The following SPINT2 variants were observed in gnomAD, a reference collection of about 807,000 sequenced individuals.
SPINT2 encodes serine peptidase inhibitor, Kunitz type 2.
SPINT2 carries 18 observed loss-of-function variants against 30.1 expected under a neutral mutation model. The ratio of observed to expected loss-of-function variants is 0.60; its 90% CI spans 0.41 to 0.89. The LOEUF (loss-of-function observed/expected upper bound fraction) is 0.89. Ranked by LOEUF, SPINT2 falls within the 40% of genes least tolerant of loss-of-function variation. SPINT2 has a pLI of 0.00. For synonymous variants in SPINT2, 139 were observed against 137.9 expected, an observed-to-expected ratio of 1.01 and a Z score of -0.05; for missense variants, 276 against 334.3, an observed-to-expected ratio of 0.83 and a Z score of 1.36.
At chr19:38,268,887 A>G (rs951214801) in intron 1 of SPINT2, among the ~76,000 whole-genome samples, 1 of 151,696 alleles carries the variant, frequency 6.6e-6, no homozygotes, top group Non-Finnish European at 1.5e-5. Context: ...AAATCCTGGT[A>G]TTTGGAGGGT....
At chr19:38,265,462 A>T (rs1316333169) in intron 1 of SPINT2, 1 of 153,128 alleles carries the variant, frequency 6.5e-6, no homozygotes, top group Non-Finnish European at 1.5e-5. Context: ...TGGAGATTGG[A>T]CAAGAGCCTC....
chr19:38,289,563 T>G (rs1968689197), intron 4 of SPINT2: 3 of 230,164 alleles, frequency 1.3e-5, no homozygotes, highest in Non-Finnish European at 2.6e-5. Flanking sequence ...TAGTTGGGTA[T>G]TGAGAGACAC....
chr19:38,281,231 T>G (rs1342351464), intron 1 of SPINT2, among the ~76,000 whole-genome samples: 1 of 152,116 alleles, frequency 6.6e-6, no homozygotes, highest in Non-Finnish European at 1.5e-5. Flanking sequence ...CAGCTGGTTT[T>G]GGTTGATGTG....
chr19:38,269,864 C>T (rs1366899024), intron 1 of SPINT2, among the ~76,000 whole-genome samples: 4 of 152,270 alleles, frequency 2.6e-5, no homozygotes, highest in Non-Finnish European at 5.9e-5. Context: ...CCGCCTCGGC[C>T]TCCCAAAGTG....
At chr19:38,291,550 T>G in intron 6 of SPINT2, 3 of 394,064 alleles carry the variant, frequency 7.6e-6, no homozygotes, top group South Asian at 3.3e-5. Context: ...GCCCTGAGAG[T>G]TGGGTTTTTA....
chr19:38,283,852 T>G (rs1968610888), intron 2 of SPINT2, 55 bp downstream of exon 2: 2 of 1,216,110 alleles, frequency 1.6e-6, no homozygotes, highest in Non-Finnish European at 1.1e-6. Context: ...TTTTTTTTTT[T>G]TTTTTTTGAG....
Position 38,287,939 on chromosome 19 carries a change from G to A in SPINT2, c.337+4G>A. ...GCGGATTCCTCTGTCCCAAGTGGTA[G>A]GTTCTTAAAGAGACCCGCGATGGAG... On this transcript the variant is annotated splice_donor_region_variant and intron_variant, in intron 3 of 6. Transcript: ENST00000301244. 6.2e-7 allele frequency: 1 copy of A among 1,614,180 alleles called. No homozygotes were observed. The highest frequency in any genetic ancestry group is 8.5e-7 in the Non-Finnish European group (1 of 1,180,012).
At position 38,290,155 on chromosome 19, in the gene SPINT2, G is replaced by C. The variant is rs150103321; in HGVS notation, c.428G>C (p.Arg143Pro). ...CTANAVTGPC[R>P]ASFPRWYFDV... ...GCCAACGCAGTCACTGGGCCTTGCC[G>C]TGCATCCTTCCCACGCTGGTACTTT... The change falls in exon 5 of 7, where the codon CGT (arginine) becomes CCT (proline). Residue 143 changes from arginine to proline, a missense_variant. Physicochemically the swap from Arg to Pro is moderately radical, Grantham distance 103. Coordinates refer to ENST00000301244, the MANE Select transcript of SPINT2 (RefSeq NM_021102.4). The surrounding 1 kb of genome is among the most constrained non-coding windows in gnomAD (Gnocchi z 4.3). 6.8e-6 allele frequency: 11 copies of C among 1,612,618 alleles called. No homozygotes were observed. Among genetic ancestry groups the C allele is most frequent in the Non-Finnish European group, 9.3e-6 (11 of 1,180,026 alleles).
intron 1 of SPINT2, 86 bp downstream of exon 1, chr19:38,265,084 G>C (rs916164507): frequency 1.6e-5 from 18 of 1,127,466 alleles, no homozygotes; most frequent in South Asian, 6.1e-5. Context: ...GAGAACTGGC[G>C]GGGGAGGAAA....
Position 38,290,645 on chromosome 19 carries a change from C to G in SPINT2, c.592+70C>G, listed in dbSNP as rs766140056. ...CCTTCCTTGACTGAGCTCAGCCCTG[C>G]CCAGCTGTGGTTTACATTATCCTTC... is the stretch of plus-strand genomic sequence containing the variant. On this transcript the variant is annotated intron_variant, in intron 6 of 6. Transcript: ENST00000301244. This position sits in a 1 kb window ranked among gnomAD's most constrained non-coding sequence, Gnocchi z 4.3. The G allele has an allele frequency of 1.3e-6, 2 of 1,566,160 alleles. No homozygotes were observed. Among genetic ancestry groups the G allele is most frequent in the South Asian group, 2.3e-5 (2 of 87,304 alleles).
chr19:38,268,936 A>G (rs982596566), intron 1 of SPINT2, among the ~76,000 whole-genome samples: 19 of 152,116 alleles, frequency 1.2e-4, no homozygotes, highest in East Asian at 1.9e-4. Context: ...AGGCCAGATC[A>G]TATATTTCCT....
At chr19:38,266,377 C>CAAA (rs112054111) in intron 1 of SPINT2, among the ~76,000 whole-genome samples, 1 of 136,132 alleles carries the variant, frequency 7.3e-6, no homozygotes. Context: ...ACTCCCATCT[C>CAAA]AAAAAAAAAA....
At chr19:38,272,309 T>C (rs1201946417) in intron 1 of SPINT2, among the ~76,000 whole-genome samples, 1 of 152,182 alleles carries the variant, frequency 6.6e-6, no homozygotes, top group East Asian at 1.9e-4. Context: ...ACTATAATAG[T>C]TTGTGACCTT....
chr19:38,266,377 CAAAA>C (rs112054111), intron 1 of SPINT2, among the ~76,000 whole-genome samples: 2 of 136,134 alleles, frequency 1.5e-5, no homozygotes, highest in African/African-American at 5.4e-5. Context: ...ACTCCCATCT[CAAAA>C]AAAAAAAAAG....
chr19:38,284,008 A>AT (rs1968613229), intron 2 of SPINT2, among the ~76,000 whole-genome samples: 1 of 150,836 alleles, frequency 6.6e-6, no homozygotes, highest in African/African-American at 2.4e-5. Flanking sequence ...CGCCCAACTA[A>AT]TTTTTTGTGT....
intron 6 of SPINT2, 62 bp from the exon 7 acceptor site, chr19:38,291,778 G>T: frequency 6.3e-7 from 1 of 1,586,102 alleles, no homozygotes; most frequent in Non-Finnish European, 8.6e-7. Flanking sequence ...CCCTTGGTGA[G>T]CGCCACTCTG....
At chr19:38,280,632 A>G (rs1968569880) in intron 1 of SPINT2, among the ~76,000 whole-genome samples, 1 of 152,032 alleles carries the variant, frequency 6.6e-6, no homozygotes, top group Non-Finnish European at 1.5e-5. Context: ...CCATCCCTCA[A>G]TAGGCATTTT....
chr19:38,273,659 G>C (rs1034253655), intron 1 of SPINT2, among the ~76,000 whole-genome samples: 1 of 152,160 alleles, frequency 6.6e-6, no homozygotes, highest in African/African-American at 2.4e-5. Flanking sequence ...CTGCCTCCCA[G>C]CCCAGCATAT....
intron 1 of SPINT2, among the ~76,000 whole-genome samples, chr19:38,282,595 T>C (rs1440376299): frequency 2.0e-5 from 3 of 152,248 alleles, no homozygotes; most frequent in African/African-American, 7.2e-5. Context: ...TGTTTCTGGC[T>C]GGAATTTTAT....
Sources: allele counts gnomAD v4.1 joint callset (sites outside exome capture counted in the v4.1 genomes callset), GRCh38; gene constraint gnomAD v4.1.1; non-coding constraint Gnocchi (gnomAD v3.1); transcripts MANE v1.5; gene names NCBI Gene and HGNC (gene_info 2026-07-23, HGNC 2026-07-21).